The following PGRMC2 variants were observed in gnomAD, a reference collection of about 807,000 sequenced individuals.
PGRMC2 encodes the protein progesterone receptor membrane component 2.
Under a neutral mutation model 19.3 loss-of-function variants are expected in PGRMC2, and 9 were observed. The ratio of observed to expected loss-of-function variants is 0.47; its 90% CI spans 0.28 to 0.81. PGRMC2 has a LOEUF of 0.81. Among genes scored for constraint, PGRMC2 ranks in the 40% least tolerant of loss-of-function variants. PGRMC2 has a pLI of 0.11. For synonymous variants in PGRMC2, 157 were observed against 124.6 expected (o/e 1.26, Z -1.73); for missense variants, 289 against 297.3 (o/e 0.97, Z 0.21).
At chr4:128,280,936 T>C (rs1760901794) in intron 1 of PGRMC2, among the ~76,000 whole-genome samples, 1 of 152,080 alleles carries the variant, frequency 6.6e-6, no homozygotes, top group South Asian at 2.1e-4. Flanking sequence ...CAAACTATTA[T>C]TCCTGAGTGA....
At position 128,270,324 on chromosome 4, in the gene PGRMC2, A is replaced by G. The variant is rs1420647745; in HGVS notation, c.*992T>C. On this transcript the variant is annotated 3_prime_UTR_variant, in exon 3 of 3. Coordinates refer to ENST00000296425, the MANE Select transcript of PGRMC2 (RefSeq NM_006320.6). The stretch of plus-strand genomic sequence containing the variant: ...CTAAAATTAGGCAGCTGTTGGGGAT[A>G]AGAGTTGATTTGTTTTTCAATTTTT... The G allele has an allele frequency of 6.6e-6, 1 of 152,632 alleles. No homozygotes were observed. The highest frequency in any genetic ancestry group is 1.5e-5 in the Non-Finnish European group (1 of 68,034). 9.5% of individuals were successfully genotyped at this position (152,632 alleles called of 1,614,324 possible). A position where few individuals can be genotyped will look rare whatever the true frequency, so the allele number is the denominator to read the frequency against.
In PGRMC2 at chr4:128,287,358, C is replaced by G. The variant is rs1164689256; in HGVS notation, c.418+15G>C. The G allele has an allele frequency of 1.9e-6, 3 of 1,586,726 alleles. No individual in the cohort carries two copies. In the East Asian group the frequency reaches 6.8e-5, roughly 36 times the overall value. On this transcript the variant is annotated intron_variant, in intron 1 of 2. Transcript: ENST00000296425. Reference sequence around the variant, plus strand: ...AGCTGCAGGGGGTCCTTCCCCTCCCCTTCCAACTCCTCACCCGGGCCGTAG... The same window carrying G: ...AGCTGCAGGGGGTCCTTCCCCTCCCGTTCCAACTCCTCACCCGGGCCGTAG...
chr4:128,286,755 T>C, intron 1 of PGRMC2: 1 of 398,388 alleles, frequency 2.5e-6, no homozygotes, highest in East Asian at 3.6e-5. Flanking sequence ...TAAAACTGGT[T>C]TAAAGAGAGT....
intron 1 of PGRMC2, among the ~76,000 whole-genome samples, chr4:128,274,489 C>T (rs968234048): frequency 6.6e-5 from 9 of 135,402 alleles, no homozygotes; most frequent in Admixed American, 1.7e-4. Context: ...ACGGCCTGGC[C>T]GAGAAAGCAA....
Position 128,287,682 on chromosome 4 carries a change from C to A in PGRMC2, c.109G>T (p.Gly37Trp), listed in dbSNP as rs752745671. The A allele has an allele frequency of 5.9e-6, 9 of 1,531,722 alleles. No individual in the cohort carries two copies. In the African/African-American group the frequency reaches 8.2e-5, roughly 14 times the overall value. The allele number at this position is 1,531,722 out of a possible 1,614,324, so 94.9% of individuals were successfully genotyped here. Reference sequence around the variant, plus strand: ...AACGCCGCCGCCGCCCAGCCTCCCCCTTCCGCTGCCGCTCCCGCGTCGCCT... The same window carrying A: ...AACGCCGCCGCCGCCCAGCCTCCCCATTCCGCTGCCGCTCCCGCGTCGCCT... ...SPGDAGAAAE[G>W]GGWAAAALAL... The change falls in exon 1 of 3, where the codon GGG becomes TGG. Residue 37 changes from glycine to tryptophan, a missense_variant. Transcript: ENST00000296425.
rs573634086 is a variant in PGRMC2 at position 128,287,780 on chromosome 4, C to G, written c.11G>C (p.Gly4Ala). The change falls in exon 1 of 3, where the codon GGT becomes GCT. Residue 4 changes from glycine (G) to alanine (A), a missense_variant. Transcript: ENST00000296425. Reference protein sequence around the residue: MAAGDGDVKLGTLG... With the variant: MAAADGDVKLGTLG... ...GGTGCCTAGCTTCACGTCCCCATCACCAGCCGCCATCACTGCCCGCCAGCG... is the reference window on the plus strand; with the variant it reads ...GGTGCCTAGCTTCACGTCCCCATCAGCAGCCGCCATCACTGCCCGCCAGCG... 1.3e-6 allele frequency: 2 copies of G among 1,487,476 alleles called. No individual in the cohort carries two copies. The highest frequency in any genetic ancestry group is 1.4e-5 in the African/African-American group (1 of 72,910). 92.1% of individuals were successfully genotyped at this position (1,487,476 alleles called of 1,614,324 possible).
intron 1 of PGRMC2, among the ~76,000 whole-genome samples, chr4:128,283,305 T>C (rs922655894): frequency 5.3e-5 from 8 of 152,254 alleles, no homozygotes; most frequent in African/African-American, 1.9e-4. Context: ...TATGTGGCTT[T>C]GGGCAATCTC....
chr4:128,274,567 C>T (rs916645881), intron 1 of PGRMC2, among the ~76,000 whole-genome samples: 1 of 144,624 alleles, frequency 6.9e-6, no homozygotes, highest in African/African-American at 2.5e-5. Context: ...TGTGTGTGTA[C>T]ATGCACATGT....
intron 1 of PGRMC2, among the ~76,000 whole-genome samples, chr4:128,273,549 A>T (rs1423815005): frequency 1.3e-5 from 2 of 152,208 alleles, no homozygotes; most frequent in Admixed American, 1.3e-4. Flanking sequence ...AGACACTATT[A>T]TGAACAACAA....
rs541966637 is a variant in PGRMC2, at chr4:128,284,925, G to A, written c.418+2448C>T. Among the ~76,000 whole-genome samples the A allele has an allele frequency of 3.9e-5, 6 of 152,082 alleles. No individual in the cohort carries two copies. The South Asian group carries it at 1.2e-3, about 32-fold the overall frequency. The stretch of plus-strand genomic sequence containing the variant: ...CATAAAATGATCTGGCTTTCTTTAA[G>A]GTTCCTTTCAATAATAAAATATTCA... On this transcript the variant is annotated intron_variant, in intron 1 of 2. Coordinates refer to ENST00000296425, the MANE Select transcript of PGRMC2 (RefSeq NM_006320.6).
chr4:128,282,653 C>T (rs971002741), intron 1 of PGRMC2, among the ~76,000 whole-genome samples: 38 of 152,152 alleles, frequency 2.5e-4, no homozygotes, highest in Non-Finnish European at 4.4e-4. Flanking sequence ...TGGGCATTAG[C>T]CCAAACAACA....
chr4:128,287,448 G>C lies in PGRMC2; in HGVS notation c.343C>G (p.Arg115Gly), dbSNP rs749497788. The change falls in exon 1 of 3, where the codon CGC becomes GGC. Residue 115 changes from arginine to glycine, a missense_variant. Physicochemically the swap from Arg to Gly is moderately radical, Grantham distance 125. Transcript: ENST00000296425. ...ACCGCGAGCAGGATGCGCGGGTTGC[G>C]GGAGCCGTCGTACTGGCGCAGCTGC... ...LEQLRQYDGS[R>G]NPRILLAVNG... The C allele has an allele frequency of 1.1e-5, 17 of 1,613,314 alleles. No homozygotes were observed. Among genetic ancestry groups the C allele is most frequent in the Non-Finnish European group, 1.4e-5 (16 of 1,179,544 alleles).
intron 1 of PGRMC2, among the ~76,000 whole-genome samples, chr4:128,283,285 A>G (rs961504263): frequency 3.3e-5 from 5 of 152,220 alleles, no homozygotes; most frequent in Non-Finnish European, 7.3e-5. Flanking sequence ...TAGTGTTGCC[A>G]CCTACTAGAT....
Position 128,269,586 on chromosome 4 carries a change from C to G in PGRMC2, c.*1730G>C, listed in dbSNP as rs1760695243. On this transcript the variant is annotated 3_prime_UTR_variant, in exon 3 of 3. Coordinates refer to ENST00000296425, the MANE Select transcript of PGRMC2 (RefSeq NM_006320.6). ...GAATGTAGTATTTTACATACTTTAG[C>G]TTATTGTTGCAGTTAAAAGCTCCCC... 6.6e-6 allele frequency: 1 copy of G among 152,138 alleles called. No individual in the cohort carries two copies. The highest frequency in any genetic ancestry group is 1.5e-5 in the Non-Finnish European group (1 of 68,018). 9.4% of individuals were successfully genotyped at this position (152,138 alleles called of 1,614,324 possible).
In PGRMC2 at chr4:128,272,413, A is replaced by T. The variant is rs1760744076; in HGVS notation, c.523T>A (p.Leu175Met). ...ACACTCTCCATTTGTACTGCATTCAAATCTGAGAGATCATCATATTCATCT... is the reference window on the plus strand; with the variant it reads ...ACACTCTCCATTTGTACTGCATTCATATCTGAGAGATCATCATATTCATCT... ...LRDEYDDLSD[L>M]NAVQMESVRE... The change falls in exon 2 of 3, where the codon TTG becomes ATG. Residue 175 changes from leucine to methionine, a missense_variant. Transcript: ENST00000296425. 1.3e-6 allele frequency: 2 copies of T among 1,589,652 alleles called. No individual in the cohort carries two copies. The highest frequency in any genetic ancestry group is 8.5e-7 in the Non-Finnish European group (1 of 1,169,674).
At position 128,278,201 on chromosome 4, in the gene PGRMC2, CA is replaced by C. The variant is rs1258350943; in HGVS notation, c.419-5685del. Among the ~76,000 whole-genome samples the C allele has an allele frequency of 5.9e-5, 9 of 152,086 alleles. No homozygotes were observed. In the South Asian group the frequency reaches 1.9e-3, roughly 32 times the overall value. On this transcript the variant is annotated intron_variant, in intron 1 of 2. Coordinates refer to ENST00000296425, the MANE Select transcript of PGRMC2 (RefSeq NM_006320.6). ...CCAAGGTGAAAAAATAGTATGAACT[CA>C]AATATCTATAAGAATTAATGAACAC...
intron 1 of PGRMC2, among the ~76,000 whole-genome samples, chr4:128,281,723 G>C (rs1379767506): frequency 6.6e-6 from 1 of 152,134 alleles, no homozygotes; most frequent in Non-Finnish European, 1.5e-5. Flanking sequence ...TGACTAAAAG[G>C]GATGGAAAAT....
At chr4:128,272,116 T>A (rs1760739770) in intron 2 of PGRMC2, among the ~76,000 whole-genome samples, 1 of 152,204 alleles carries the variant, frequency 6.6e-6, no homozygotes, top group Non-Finnish European at 1.5e-5. Flanking sequence ...ATTTCTTTTT[T>A]TGGACAAGTC....
intron 1 of PGRMC2, among the ~76,000 whole-genome samples, chr4:128,275,334 A>G (rs566533888): frequency 6.6e-6 from 1 of 152,306 alleles, no homozygotes. Flanking sequence ...AAAGCCCTCC[A>G]TCTTTGAGTA....
Sources: gnomAD v4.1 joint callset for allele counts (sites outside exome capture counted in the v4.1 genomes callset) on GRCh38, gnomAD v4.1.1 for gene constraint, MANE v1.5 for transcripts, NCBI Gene and HGNC (gene_info 2026-07-23, HGNC 2026-07-21) for gene names.